TEDC2: variants seen among roughly 807,000 people sequenced by gnomAD.
TEDC2 encodes the protein tubulin epsilon and delta complex 2, also known as tubulin epsilon and delta complex protein 2.
TEDC2 carries 49 observed loss-of-function variants against 48.1 expected under a neutral mutation model. The observed-to-expected ratio is 1.02, with a 90% confidence interval of 0.81 to 1.29. TEDC2 has a LOEUF of 1.29. TEDC2 is among the 50% of genes most tolerant of loss of function. TEDC2 has a pLI of 0.00. For missense variants in TEDC2, 631 were observed against 571.4 expected, an observed-to-expected ratio of 1.10 and a Z score of -1.06; for synonymous variants, 299 against 247.1, an observed-to-expected ratio of 1.21 and a Z score of -1.97.
In TEDC2 at chr16:2,461,207, C is replaced by A; in HGVS notation, c.588C>A (p.Phe196Leu). The A allele has an allele frequency of 1.3e-6, 2 of 1,486,366 alleles. No homozygotes were observed. Among genetic ancestry groups the A allele is most frequent in the Non-Finnish European group, 1.8e-6 (2 of 1,118,388 alleles). 92.1% of individuals were successfully genotyped at this position (1,486,366 alleles called of 1,614,324 possible). The change falls in exon 4 of 10, where the codon TTC becomes TTA. Residue 196 changes from phenylalanine to leucine, a missense_variant. Transcript: ENST00000361837. ...PSAAPQAPEA[F>L]TLKEKGHLLR... ...CTGCTCCTCAGGCCCCAGAAGCCTT[C>A]ACACTCAAGGAGAAGGGGTAGGTTT... is the stretch of plus-strand genomic sequence containing the variant.
chr16:2,461,475 A>C (rs2065466338), intron 4 of TEDC2: 1 of 646,966 alleles, frequency 1.5e-6, no homozygotes, highest in African/African-American at 1.8e-5. Flanking sequence ...TTATTTGCCC[A>C]GGCCAGAGGC....
At chr16:2,464,392 C>G in intron 9 of TEDC2, 130 bp from the exon 10 acceptor site, 1 of 1,319,472 alleles carries the variant, frequency 7.6e-7, no homozygotes, top group Non-Finnish European at 1.0e-6. Flanking sequence ...GGGGCTGGGA[C>G]GGCAGGAGGG....
intron 2 of TEDC2, 69 bp from the exon 3 acceptor site, chr16:2,460,554 G>A: frequency 1.3e-6 from 2 of 1,580,126 alleles, no homozygotes; most frequent in Non-Finnish European, 1.7e-6. Context: ...GGGGCCCGGC[G>A]GCCCCCTCGG....
In TEDC2 at chr16:2,460,377, G is replaced by T; in HGVS notation, c.121G>T (p.Ala41Ser). ...SLRVCRRLLH[A>S]WEPTGTRALK... ...GCGCGTTTGCCGTCGGCTGCTGCAT[G>T]CCTGGTACGCGGACCCCGGACCCAC... Residue 41 changes from alanine to serine, a missense_variant, in exon 2 of 10, where the codon GCC (alanine) becomes TCC (serine). Coordinates refer to ENST00000361837, the MANE Select transcript of TEDC2 (RefSeq NM_025108.3). The T allele has an allele frequency of 1.3e-6, 2 of 1,544,972 alleles. No individual in the cohort carries two copies. Among genetic ancestry groups the T allele is most frequent in the Non-Finnish European group, 1.7e-6 (2 of 1,146,364 alleles).
rs2065462299 is a variant in TEDC2 at position 2,460,902 on chromosome 16, A to G, written c.283A>G (p.Thr95Ala). Residue 95 changes from threonine (T) to alanine (A), a missense_variant, in exon 4 of 10, where the codon ACT becomes GCT. Coordinates refer to ENST00000361837, the MANE Select transcript of TEDC2 (RefSeq NM_025108.3). Reference sequence around the variant, plus strand: ...GGCTGTACGAGTTCGAAGAGGCATCACTAAGGCCGGAGAGAGAGACAAGGC... The same window carrying G: ...GGCTGTACGAGTTCGAAGAGGCATCGCTAAGGCCGGAGAGAGAGACAAGGC... ...EKAVRVRRGITKAGERDKAPS... is the reference protein window; with the variant it reads ...EKAVRVRRGIAKAGERDKAPS... The G allele has an allele frequency of 6.2e-7, 1 of 1,613,606 alleles. No homozygotes were observed. The highest frequency in any genetic ancestry group is 8.5e-7 in the Non-Finnish European group (1 of 1,180,024).
intron 8 of TEDC2, among the ~76,000 whole-genome samples, chr16:2,463,440 G>A (rs2065480052): frequency 6.6e-6 from 1 of 152,004 alleles, no homozygotes; most frequent in African/African-American, 2.4e-5. Flanking sequence ...CAGCCTGGCC[G>A]ACATGACGAA....
At chr16:2,461,369 G>A in intron 4 of TEDC2, 145 bp downstream of exon 4, 1 of 1,108,398 alleles carries the variant, frequency 9.0e-7, no homozygotes, top group Non-Finnish European at 1.2e-6. Context: ...TCAGAAGCTG[G>A]CAGAATGAAG....
Position 2,460,308 on chromosome 16 carries a change from C to T in TEDC2, c.52C>T (p.Leu18=), listed in dbSNP as rs1339384680. 4 of 1,535,178 alleles carry T rather than the reference C, an allele frequency of 2.6e-6. No individual in the cohort carries two copies. Among genetic ancestry groups the T allele is most frequent in the East Asian group, 2.5e-5 (1 of 39,474 alleles). ...RRLVAELQGA[L]DACAQRQLQL... is the part of the protein sequence containing the mutation. ...GCTGGTGGCCGAGCTGCAGGGCGCCCTGGACGCCTGCGCACAGCGACAATT... is the reference window on the plus strand; with the variant it reads ...GCTGGTGGCCGAGCTGCAGGGCGCCTTGGACGCCTGCGCACAGCGACAATT... Residue 18 remains leucine (L), a synonymous_variant, in exon 2 of 10, where the codon CTG becomes TTG. Coordinates refer to ENST00000361837, the MANE Select transcript of TEDC2 (RefSeq NM_025108.3).
Position 2,464,175 on chromosome 16 carries a change from G to C in TEDC2, c.1101G>C (p.Leu367=). The C allele has an allele frequency of 6.2e-7, 1 of 1,612,620 alleles. No individual in the cohort carries two copies. Among genetic ancestry groups the C allele is most frequent in the Non-Finnish European group, 8.5e-7 (1 of 1,179,858 alleles). ...VYSSTQELQT[L]AALKLRVAVL... Reference sequence around the variant, plus strand: ...CCAGCACCCAGGAGCTGCAGACCCTGGCGGCCCTCAAGCTGCGAGTGGCTG... The same window carrying C: ...CCAGCACCCAGGAGCTGCAGACCCTCGCGGCCCTCAAGCTGCGAGTGGCTG... Residue 367 remains leucine, a synonymous_variant, in exon 9 of 10, where the codon CTG becomes CTC. Coordinates refer to ENST00000361837, the MANE Select transcript of TEDC2 (RefSeq NM_025108.3).
chr16:2,460,227 G>GC (rs917602341), intron 1 of TEDC2, 56 bp from the exon 2 acceptor site: 8 of 1,463,478 alleles, frequency 5.5e-6, no homozygotes, highest in Admixed American at 5.3e-5. Context: ...GTAGCCAGGC[G>GC]CGGGGCCCGA....
chr16:2,464,732 G>A lies in TEDC2; in HGVS notation c.*64G>A. On this transcript the variant is annotated 3_prime_UTR_variant, in exon 10 of 10. Coordinates refer to ENST00000361837, the MANE Select transcript of TEDC2 (RefSeq NM_025108.3). ...TTGGGGGTGTCTTCCCTGGCACTGT[G>A]CTCGGGGACCCAGAGATGCCTGTGC... is the stretch of plus-strand genomic sequence containing the variant. 6.3e-7 allele frequency: 1 copy of A among 1,594,612 alleles called. No individual in the cohort carries two copies. Among genetic ancestry groups the A allele is most frequent in the Non-Finnish European group, 8.5e-7 (1 of 1,170,534 alleles).
rs1285746408 is a variant in TEDC2, at chr16:2,464,507, C to G, written c.1156-15C>G. 1 of 1,550,000 alleles carries G rather than the reference C, an allele frequency of 6.5e-7. No homozygotes were observed. ...GTGCCCCTGAGACCTTGGCCCTGCC[C>G]TGCCCTGCCCCCAGGTCCTGATGGC... On this transcript the variant is annotated splice_polypyrimidine_tract_variant and intron_variant, in intron 9 of 9. Coordinates refer to ENST00000361837, the MANE Select transcript of TEDC2 (RefSeq NM_025108.3).
chr16:2,462,559 T>C (rs2065473642), intron 7 of TEDC2, 33 bp downstream of exon 7: 10 of 1,571,066 alleles, frequency 6.4e-6, no homozygotes, highest in Admixed American at 1.8e-5. Context: ...TCAGGAGGAG[T>C]GTGGAGGGCC....
rs758964864 is a variant in TEDC2 at position 2,460,152 on chromosome 16, C to T, written c.8C>T (p.Pro3Leu). MLPAGCSRRLVAE... is the reference protein window; with the variant it reads MLLAGCSRRLVAE... ...GGAGACGCCGCCGCCTTCATGCTGCCGGCGGGCTGCTCGCGCCGGTGAGGC... is the reference window on the plus strand; with the variant it reads ...GGAGACGCCGCCGCCTTCATGCTGCTGGCGGGCTGCTCGCGCCGGTGAGGC... The change falls in exon 1 of 10, where the codon CCG (proline) becomes CTG (leucine). Residue 3 changes from proline (P) to leucine (L), a missense_variant. Pro to Leu is a moderately conservative substitution (Grantham distance 98). Transcript: ENST00000361837. 5.4e-6 allele frequency: 7 copies of T among 1,288,684 alleles called. No homozygotes were observed. The highest frequency in any genetic ancestry group is 5.9e-4 in the Middle Eastern group (2 of 3,366). 79.8% of individuals were successfully genotyped at this position (1,288,684 alleles called of 1,614,324 possible).
rs375817380 is a variant in TEDC2, at chr16:2,462,191, G to A, written c.702G>A (p.Thr234=). The change falls in exon 6 of 10, where the codon ACG becomes ACA. Residue 234 remains threonine (T), a synonymous_variant. Coordinates refer to ENST00000361837, the MANE Select transcript of TEDC2 (RefSeq NM_025108.3). ...GTTCCACACAGACCAGTGATTCCAC[G>A]GATGCCGCCGCTGCCAAAACCCAGT... ...QLSSTQTSDS[T]DAAAAKTQFL... 24 of 1,613,204 alleles carry A rather than the reference G, an allele frequency of 1.5e-5. No individual in the cohort carries two copies. The highest frequency in any genetic ancestry group is 1.1e-4 in the African/African-American group (8 of 74,940).
intron 8 of TEDC2, 124 bp downstream of exon 8, chr16:2,462,856 G>A (rs979695866): frequency 1.1e-6 from 1 of 903,542 alleles, no homozygotes; most frequent in Non-Finnish European, 1.6e-6. Flanking sequence ...CAAGTTGGTG[G>A]GCCCCTCCAC....
Position 2,460,911 on chromosome 16 carries a change from GGAGA to G in TEDC2, c.299_302del (p.Arg100ThrfsTer6). ...AGTTCGAAGAGGCATCACTAAGGCC[GGAGA>G]GAGAGACAAGGCCCCCAGCCTGAAA... On this transcript the variant is annotated frameshift_variant, in exon 4 of 10. Coordinates refer to ENST00000361837, the MANE Select transcript of TEDC2 (RefSeq NM_025108.3). LOFTEE classifies it high-confidence loss of function. 1 of 1,613,604 alleles carries G rather than the reference GGAGA, an allele frequency of 6.2e-7. No individual in the cohort carries two copies. The highest frequency in any genetic ancestry group is 8.5e-7 in the Non-Finnish European group (1 of 1,180,000).
chr16:2,461,893 T>A, intron 5 of TEDC2, 93 bp downstream of exon 5: 1 of 1,456,416 alleles, frequency 6.9e-7, no homozygotes, highest in Non-Finnish European at 9.6e-7. Context: ...CCAGTGGGTC[T>A]CTTTGTCCTC....
chr16:2,463,913 C>A, intron 8 of TEDC2, 126 bp from the exon 9 acceptor site: 1 of 1,104,452 alleles, frequency 9.1e-7, no homozygotes, highest in Non-Finnish European at 1.3e-6. Flanking sequence ...TGGGGCTGTC[C>A]TGAAAGCCCA....
Sources: gnomAD v4.1 joint callset for allele counts (sites outside exome capture counted in the v4.1 genomes callset) on GRCh38, gnomAD v4.1.1 for gene constraint, MANE v1.5 for transcripts, NCBI Gene and HGNC (gene_info 2026-07-23, HGNC 2026-07-21) for gene names.